GALNT10: variants seen among roughly 807,000 people sequenced by gnomAD.
The protein encoded by GALNT10 is GalNAc transferase 10.
GALNT10 carries 41 observed loss-of-function variants against 75.0 expected under a neutral mutation model. That is an observed-to-expected ratio of 0.55 (90% CI 0.43 to 0.71). The LOEUF is 0.71. Among genes scored for constraint, GALNT10 ranks in the 30% least tolerant of loss-of-function variants. The pLI, the probability that GALNT10 is intolerant of heterozygous loss-of-function variation, is 0.00. For synonymous variants in GALNT10, 302 were observed against 313.0 expected, an observed-to-expected ratio of 0.96 and a Z score of 0.37; for missense variants, 727 against 818.5, an observed-to-expected ratio of 0.89 and a Z score of 1.36.
At chr5:154,279,277 TG>T (rs1440060496) in intron 1 of GALNT10, among the ~76,000 whole-genome samples, 5 of 60,198 alleles carry the variant, frequency 8.3e-5, no homozygotes, top group Non-Finnish European at 2.4e-4. Context: ...TGCTAGTTTT[TG>T]TTGTTGTTGT....
At chr5:154,287,503 C>T (rs1403207551) in intron 1 of GALNT10, 12 of 152,188 alleles carry the variant, frequency 7.9e-5, no homozygotes, top group African/African-American at 2.4e-4. Flanking sequence ...AATTCTTCCC[C>T]GATCGTCCCA....
intron 4 of GALNT10, 62 bp downstream of exon 4, chr5:154,329,800 A>C (rs1029821760): frequency 1.6e-6 from 2 of 1,249,944 alleles, no homozygotes; most frequent in East Asian, 4.7e-5. Context: ...CACCAAAGGG[A>C]TGGCAGGTTT....
chr5:154,321,246 G>A (rs1487702961), intron 3 of GALNT10, among the ~76,000 whole-genome samples: 2 of 151,808 alleles, frequency 1.3e-5, no homozygotes, highest in Non-Finnish European at 2.9e-5. Context: ...AGATTGCAAT[G>A]GCATACAAAG....
chr5:154,413,127 C>G (rs527400587), intron 10 of GALNT10, 122 bp downstream of exon 10: 3 of 663,450 alleles, frequency 4.5e-6, no homozygotes, highest in Non-Finnish European at 2.7e-6. Context: ...GAGTCAGCCC[C>G]GGGGATGAGT....
chr5:154,288,458 A>G (rs2113065742), intron 1 of GALNT10, among the ~76,000 whole-genome samples: 1 of 150,454 alleles, frequency 6.6e-6, no homozygotes, highest in East Asian at 1.9e-4. Context: ...ACACTAATCG[A>G]TTCTTTTAGT....
intron 1 of GALNT10, among the ~76,000 whole-genome samples, chr5:154,246,397 A>G (rs1262248206): frequency 6.6e-6 from 1 of 152,210 alleles, no homozygotes; most frequent in African/African-American, 2.4e-5. Context: ...GTCTTCCACA[A>G]TGGTTGAACT....
intron 4 of GALNT10, among the ~76,000 whole-genome samples, chr5:154,340,653 G>A (rs976634862): frequency 1.3e-5 from 2 of 152,106 alleles, no homozygotes; most frequent in African/African-American, 2.4e-5. Flanking sequence ...CCCAACCCAC[G>A]GGCAGCCTCC....
rs1384861327 is a variant in GALNT10, at chr5:154,352,561, C to T, written c.568+22823C>T. 6.6e-6 allele frequency among the ~76,000 whole-genome samples: 1 copy of T among 152,278 alleles called. No individual in the cohort carries two copies. The highest frequency in any genetic ancestry group is 2.4e-5 in the African/African-American group (1 of 41,564). On this transcript the variant is annotated intron_variant, in intron 4 of 11. Transcript: ENST00000297107. This position sits in a 1 kb window ranked among gnomAD's most constrained non-coding sequence, Gnocchi z 4.4. ...GGCCCAAGATCGCACAGCTAGTAAA[C>T]GGAAGCTGGGAGCTTCCCTGGGCTG... is the stretch of plus-strand genomic sequence containing the variant.
chr5:154,311,164 T>C (rs1450844401), intron 3 of GALNT10, among the ~76,000 whole-genome samples: 1 of 152,210 alleles, frequency 6.6e-6, no homozygotes, highest in Non-Finnish European at 1.5e-5. Context: ...AACAGATGCA[T>C]TTTCTGAGTC....
intron 1 of GALNT10, among the ~76,000 whole-genome samples, chr5:154,290,351 C>A (rs916784781): frequency 6.8e-6 from 1 of 147,632 alleles, no homozygotes. Flanking sequence ...TCAAGTGATC[C>A]GCCCACCTCA....
chr5:154,260,538 A>G (rs541383335), intron 1 of GALNT10, among the ~76,000 whole-genome samples: 1 of 152,286 alleles, frequency 6.6e-6, no homozygotes, highest in African/African-American at 2.4e-5. Context: ...AGAATCCAGG[A>G]TGCACCCCTT....
intron 3 of GALNT10, among the ~76,000 whole-genome samples, chr5:154,309,380 C>T (rs1447904991): frequency 6.6e-6 from 1 of 152,052 alleles, no homozygotes; most frequent in Non-Finnish European, 1.5e-5. Context: ...CGGGATGCCA[C>T]TGGAAGGTTT....
intron 1 of GALNT10, chr5:154,218,228 C>T (rs1463976020): frequency 3.3e-6 from 2 of 605,752 alleles, no homozygotes; most frequent in Non-Finnish European, 4.1e-6. Context: ...TTTTAAAAGC[C>T]CTCCCAGGAC....
intron 3 of GALNT10, among the ~76,000 whole-genome samples, chr5:154,320,825 G>C (rs781732049): frequency 2.0e-5 from 3 of 152,170 alleles, no homozygotes; most frequent in African/African-American, 4.8e-5. Flanking sequence ...AGGGAGAGAG[G>C]CTGACTTTTC....
At chr5:154,272,896 A>C (rs1380966830) in intron 1 of GALNT10, among the ~76,000 whole-genome samples, 1 of 151,628 alleles carries the variant, frequency 6.6e-6, no homozygotes, top group Non-Finnish European at 1.5e-5. Flanking sequence ...GCTGGAGTGC[A>C]GGGGCCAGAT....
intron 1 of GALNT10, among the ~76,000 whole-genome samples, chr5:154,265,880 TA>T (rs1214644323): frequency 1.8e-4 from 26 of 148,222 alleles, no homozygotes; most frequent in Non-Finnish European, 3.0e-4. Context: ...GGAGTTTTTC[TA>T]TTGAGACATG....
intron 1 of GALNT10, among the ~76,000 whole-genome samples, chr5:154,207,039 T>C (rs1208850343): frequency 1.3e-5 from 2 of 152,172 alleles, no homozygotes; most frequent in African/African-American, 4.8e-5. Flanking sequence ...GCTTAAGGAA[T>C]CCATTGCTAC....
intron 8 of GALNT10, among the ~76,000 whole-genome samples, chr5:154,407,273 G>A (rs759540156): frequency 1.3e-5 from 2 of 152,124 alleles, no homozygotes; most frequent in African/African-American, 2.4e-5. Flanking sequence ...TGAGGAGCCC[G>A]AAGCCCACTG....
At chr5:154,207,023 CT>C (rs1345073318) in intron 1 of GALNT10, among the ~76,000 whole-genome samples, 6 of 152,188 alleles carry the variant, frequency 3.9e-5, no homozygotes, top group African/African-American at 1.4e-4. Context: ...AACGTGCAGC[CT>C]TTGAGCTTAA....
Sources: allele counts gnomAD v4.1 joint callset (sites outside exome capture counted in the v4.1 genomes callset), GRCh38; gene constraint gnomAD v4.1.1; non-coding constraint Gnocchi (gnomAD v3.1); transcripts MANE v1.5; gene names NCBI Gene and HGNC (gene_info 2026-07-23, HGNC 2026-07-21).